Variants in MUC15 observed in about 807,000 individuals in gnomAD.
MUC15 encodes mucin-15.
A neutral mutation model predicts 24.0 loss-of-function variants in MUC15; 23 were observed. The observed-to-expected ratio is 0.96, with a 90% CI of 0.69 to 1.36. The LOEUF is 1.36. MUC15 is among the 40% of genes most tolerant of loss of function. MUC15 has a pLI of 0.00. For missense variants in MUC15, 442 were observed against 428.2 expected (o/e 1.03, Z -0.29); for synonymous variants, 151 against 156.3 (o/e 0.97, Z 0.25).
rs933432754 is a variant in MUC15, at chr11:26,559,992, C to T, written c.*1073G>A. On this transcript the variant is annotated 3_prime_UTR_variant, in exon 5 of 5. Transcript: ENST00000529533. ...TGATCTCATCCTCTAATCTCTAAAA[C>T]CTAGACTTTCCTACATCAAGGAACA... 5 of 408,134 alleles carry T rather than the reference C, an allele frequency of 1.2e-5. No individual in the cohort carries two copies. The highest frequency in any genetic ancestry group is 4.1e-5 in the Admixed American group (1 of 24,586). 25.3% of individuals were successfully genotyped at this position (408,134 alleles called of 1,614,324 possible). A position where few individuals can be genotyped will look rare whatever the true frequency, so the allele number is the denominator to read the frequency against.
At chr11:26,569,922 T>C (rs1850752622) in intron 1 of MUC15, among the ~76,000 whole-genome samples, 1 of 151,714 alleles carries the variant, frequency 6.6e-6, no homozygotes, top group Non-Finnish European at 1.5e-5. Flanking sequence ...CAGTAATGAT[T>C]TCACCTCCTG....
rs1850270051 is a variant in MUC15, at chr11:26,561,085, G to A, written c.1066C>T (p.Pro356Ser). The A allele has an allele frequency of 1.2e-6, 2 of 1,611,402 alleles. No individual in the cohort carries two copies. Among genetic ancestry groups the A allele is most frequent in the Non-Finnish European group, 1.7e-6 (2 of 1,178,538 alleles). ...TAGTTCTATACAGAAGTACGAAGTG[G>A]AGGTATGTCATCCATAGGAATGCCA... ...RDGIPMDDIP[P>S]LRTSV The change falls in exon 5 of 5, where the codon CCA becomes TCA. Residue 356 changes from proline to serine, a missense_variant. Physicochemically the swap from Pro to Ser is moderately conservative, Grantham distance 74. Coordinates refer to ENST00000529533, the MANE Select transcript of MUC15 (RefSeq NM_001135091.2).
rs914616419 is a variant in MUC15, at chr11:26,572,030, C to T, written c.-46+11G>A. On this transcript the variant is annotated intron_variant, in intron 1 of 4. Transcript: ENST00000529533. ...AAAGCGAGAGACCTAAGTGACCCAA[C>T]GCACACTTACCTTCAGGCTTAGGAG... The T allele has an allele frequency of 1.7e-5, 16 of 955,728 alleles. No homozygotes were observed. The highest frequency in any genetic ancestry group is 6.2e-5 in the Admixed American group (1 of 16,214). The allele number at this position is 955,728 out of a possible 1,614,324, so 59.2% of individuals were successfully genotyped here.
chr11:26,565,850 G>A lies in MUC15; in HGVS notation c.90C>T (p.Ala30=). The change falls in exon 3 of 5, where the codon GCC becomes GCT. Residue 30 remains alanine, a synonymous_variant. Coordinates refer to ENST00000529533, the MANE Select transcript of MUC15 (RefSeq NM_001135091.2). ...TTGAAATCAACAGAATTTTGGCTAA[G>A]GCCAACATTGTAGGCTTCTTTGGTA... The part of the protein sequence containing the change: ...KPIPKKPTML[A]LAKILLISTL... 1 of 1,611,292 alleles carries A rather than the reference G, an allele frequency of 6.2e-7. No homozygotes were observed. Among genetic ancestry groups the A allele is most frequent in the South Asian group, 1.1e-5 (1 of 90,352 alleles).
At chr11:26,564,730 CACATATATATATATATATATATATAT>C (rs1202774135) in intron 3 of MUC15, among the ~76,000 whole-genome samples, 26 of 24,014 alleles carry the variant, frequency 1.1e-3, no homozygotes, top group African/African-American at 2.8e-3. Flanking sequence ...CACACACACA[CACATATATATATATATATATATATAT>C]ATATATATAT....
At position 26,559,861 on chromosome 11, in the gene MUC15, CACACACA is replaced by C. The variant is rs1324402383; in HGVS notation, c.*1197_*1203del. 8.8e-6 allele frequency: 8 copies of C among 910,124 alleles called. No individual in the cohort carries two copies. The highest frequency in any genetic ancestry group is 7.2e-6 in the Non-Finnish European group (4 of 553,032). The allele number at this position is 910,124 out of a possible 1,614,324, so 56.4% of individuals were successfully genotyped here. A position where few individuals can be genotyped will look rare whatever the true frequency, so the allele number is the denominator to read the frequency against. On this transcript the variant is annotated 3_prime_UTR_variant, in exon 5 of 5. Transcript: ENST00000529533. ...ACACACACACACACACACACACACA[CACACACA>C]CACACACCATGAATCAATTCAAAAA...
chr11:26,564,766 TA>T (rs1850492073), intron 3 of MUC15, among the ~76,000 whole-genome samples: 1 of 99,050 alleles, frequency 1.0e-5, no homozygotes, highest in Non-Finnish European at 2.1e-5. Flanking sequence ...TATATATATA[TA>T]TATATATATA....
At position 26,567,045 on chromosome 11, in the gene MUC15, T is replaced by A. The variant is rs1194037608; in HGVS notation, c.43+7A>T. 6.7e-7 allele frequency: 1 copy of A among 1,495,418 alleles called. No individual in the cohort carries two copies. Among genetic ancestry groups the A allele is most frequent in the East Asian group, 2.5e-5 (1 of 39,728 alleles). 92.6% of individuals were successfully genotyped at this position (1,495,418 alleles called of 1,614,324 possible). A position where few individuals can be genotyped will look rare whatever the true frequency, so the allele number is the denominator to read the frequency against. ...AAGTTTACAGTATCATCTTATTTGA[T>A]ACTTACAACAATCCCTTGATGTGGC... On this transcript the variant is annotated splice_region_variant and intron_variant, in intron 2 of 4. Transcript: ENST00000529533.
rs1165541932 is a variant in MUC15 at position 26,560,406 on chromosome 11, G to A, written c.*659C>T. 1.3e-5 allele frequency: 2 copies of A among 152,122 alleles called. No homozygotes were observed. The highest frequency in any genetic ancestry group is 1.3e-4 in the Admixed American group (2 of 15,226). The allele number at this position is 152,122 out of a possible 1,614,324, so 9.4% of individuals were successfully genotyped here. Reference sequence around the variant, plus strand: ...AAAACCTTTGAAGACTTTTAAAGAAGCTATTACTTTCCTGGGTAGGGTCAG... The same window carrying A: ...AAAACCTTTGAAGACTTTTAAAGAAACTATTACTTTCCTGGGTAGGGTCAG... On this transcript the variant is annotated 3_prime_UTR_variant, in exon 5 of 5. Coordinates refer to ENST00000529533, the MANE Select transcript of MUC15 (RefSeq NM_001135091.2).
chr11:26,567,999 TG>T (rs1850663273), intron 1 of MUC15, among the ~76,000 whole-genome samples: 1 of 151,966 alleles, frequency 6.6e-6, no homozygotes, highest in East Asian at 1.9e-4. Context: ...CAGAATTGAT[TG>T]GGTGGAGCAT....
In MUC15 at chr11:26,561,077, A is replaced by G; in HGVS notation, c.1074T>C (p.Arg358=). 1 of 1,611,140 alleles carries G rather than the reference A, an allele frequency of 6.2e-7. No homozygotes were observed. The highest frequency in any genetic ancestry group is 8.5e-7 in the Non-Finnish European group (1 of 1,178,392). Residue 358 remains arginine (R), a synonymous_variant, in exon 5 of 5, where the codon CGT becomes CGC. Coordinates refer to ENST00000529533, the MANE Select transcript of MUC15 (RefSeq NM_001135091.2). ...GIPMDDIPPL[R]TSV is the part of the protein sequence containing the mutation. Reference sequence around the variant, plus strand: ...TTTGCTGTTAGTTCTATACAGAAGTACGAAGTGGAGGTATGTCATCCATAG... The same window carrying G: ...TTTGCTGTTAGTTCTATACAGAAGTGCGAAGTGGAGGTATGTCATCCATAG...
At chr11:26,570,319 C>CA (rs1850771390) in intron 1 of MUC15, among the ~76,000 whole-genome samples, 1 of 151,858 alleles carries the variant, frequency 6.6e-6, no homozygotes, top group Non-Finnish European at 1.5e-5. Flanking sequence ...AAAACAAAAA[C>CA]AAAAAACACC....
intron 1 of MUC15, among the ~76,000 whole-genome samples, chr11:26,569,544 C>G (rs995204309): frequency 4.6e-5 from 7 of 151,996 alleles, no homozygotes; most frequent in African/African-American, 1.7e-4. Flanking sequence ...AGAACCCCAC[C>G]ATGAAATTTT....
Position 26,564,720 on chromosome 11 carries a change from CACACACACACACATATATATAT to C in MUC15, c.775+423_775+444del, listed in dbSNP as rs1196073307. Among the ~76,000 whole-genome samples the C allele has an allele frequency of 9.1e-3, 683 of 75,070 alleles. 2 individuals carry two copies. The highest frequency in any genetic ancestry group is 0.015 in the Non-Finnish European group (563 of 37,646). The allele number at this position is 75,070 out of a possible 152,430, so 49.2% of individuals were successfully genotyped here. ...ACACACACACACACACACACACACA[CACACACACACACATATATATAT>C]ATATATATATATATATATATATATA... On this transcript the variant is annotated intron_variant, in intron 3 of 4. Transcript: ENST00000529533.
intron 1 of MUC15, among the ~76,000 whole-genome samples, chr11:26,568,435 G>A (rs1366088087): frequency 6.7e-6 from 1 of 148,960 alleles, no homozygotes; most frequent in Non-Finnish European, 1.5e-5. Flanking sequence ...TATAGAATTT[G>A]GTACACAGCT....
intron 3 of MUC15, among the ~76,000 whole-genome samples, chr11:26,564,475 CA>C (rs1850436994): frequency 6.7e-6 from 1 of 149,042 alleles, no homozygotes; most frequent in African/African-American, 2.5e-5. Context: ...CCTCAAAAAA[CA>C]AAACAAGAAT....
chr11:26,571,271 G>C (rs1850814765), intron 1 of MUC15, among the ~76,000 whole-genome samples: 1 of 152,018 alleles, frequency 6.6e-6, no homozygotes, highest in South Asian at 2.1e-4. Context: ...ATGTCTATAG[G>C]AGCAGCCTCT....
intron 1 of MUC15, among the ~76,000 whole-genome samples, chr11:26,570,308 A>C (rs1850770218): frequency 6.6e-6 from 1 of 152,068 alleles, no homozygotes; most frequent in Non-Finnish European, 1.5e-5. Flanking sequence ...AGTGATGAGA[A>C]AAAACAAAAA....
intron 1 of MUC15, among the ~76,000 whole-genome samples, chr11:26,570,067 G>A (rs1308127354): frequency 2.6e-5 from 4 of 151,950 alleles, no homozygotes; most frequent in Non-Finnish European, 5.9e-5. Context: ...GAGAAAGAAA[G>A]GAGGATTTCC....
Sources: allele counts gnomAD v4.1 joint callset (sites outside exome capture counted in the v4.1 genomes callset), GRCh38; gene constraint gnomAD v4.1.1; transcripts MANE v1.5; gene names NCBI Gene and HGNC (gene_info 2026-07-23, HGNC 2026-07-21).